NCK2: variants seen among roughly 807,000 people sequenced by gnomAD.
The protein encoded by NCK2 is NCK adaptor protein 2.
NCK2 carries 16 observed loss-of-function variants against 33.9 expected under a neutral mutation model. The ratio of observed to expected loss-of-function variants is 0.47; its 90% CI spans 0.32 to 0.72. NCK2 has a LOEUF of 0.72. NCK2 is among the 30% of genes least tolerant of loss of function. The pLI, the probability that NCK2 is intolerant of heterozygous loss-of-function variation, is 0.03. For missense variants in NCK2, 418 were observed against 537.3 expected, an observed-to-expected ratio of 0.78 and a Z score of 2.19; for synonymous variants, 273 against 239.9, an observed-to-expected ratio of 1.14 and a Z score of -1.27.
chr2:105,861,778 G>A (rs1677543583), intron 3 of NCK2, among the ~76,000 whole-genome samples: 1 of 152,066 alleles, frequency 6.6e-6, no homozygotes, highest in Non-Finnish European at 1.5e-5. Flanking sequence ...GCCTCCCAAA[G>A]TCCTGGGATT....
At chr2:105,756,534 T>C (rs1411657983) in intron 1 of NCK2, among the ~76,000 whole-genome samples, 1 of 152,200 alleles carries the variant, frequency 6.6e-6, no homozygotes, top group African/African-American at 2.4e-5. Context: ...TGTTGTTAAT[T>C]ATCCCTTTTT....
intron 2 of NCK2, among the ~76,000 whole-genome samples, chr2:105,835,312 TTCTTCCTTTTTGAAGG>T: frequency 6.7e-6 from 1 of 148,532 alleles, no homozygotes; most frequent in South Asian, 2.1e-4. Context: ...CTTTTATTTC[TTCTTCCTTTTTGAAGG>T]ATAGCTTTGC....
intron 2 of NCK2, among the ~76,000 whole-genome samples, chr2:105,822,631 C>T (rs1214467122): frequency 6.6e-6 from 1 of 151,780 alleles, no homozygotes; most frequent in Non-Finnish European, 1.5e-5. Flanking sequence ...GCTGATACAC[C>T]CTAGCAGTGT....
Position 105,848,051 on chromosome 2 carries a change from G to A in NCK2, c.-16-6997G>A, listed in dbSNP as rs752318410. On this transcript the variant is annotated intron_variant, in intron 2 of 4. Transcript: ENST00000233154. ...CAATGACATAATCTATTGCACATAC[G>A]TTTTTGAGTCCCCGTGAACCTTATG... 3.3e-5 allele frequency among the ~76,000 whole-genome samples: 5 copies of A among 152,136 alleles called. No individual in the cohort carries two copies. The East Asian group carries it at 7.7e-4, about 23-fold the overall frequency.
At chr2:105,790,153 T>G (rs1335556470) in intron 1 of NCK2, among the ~76,000 whole-genome samples, 1 of 152,266 alleles carries the variant, frequency 6.6e-6, no homozygotes, top group African/African-American at 2.4e-5. Flanking sequence ...AGCCGTTTCT[T>G]CTTCATCAAA....
chr2:105,750,141 C>T (rs963448757), intron 1 of NCK2, among the ~76,000 whole-genome samples: 5 of 151,726 alleles, frequency 3.3e-5, no homozygotes, highest in Non-Finnish European at 7.4e-5. Flanking sequence ...GCTGGAAGTC[C>T]ATGACCCCGG....
At chr2:105,844,459 C>T (rs1178094149) in intron 2 of NCK2, among the ~76,000 whole-genome samples, 1 of 151,788 alleles carries the variant, frequency 6.6e-6, no homozygotes, top group African/African-American at 2.4e-5. Context: ...CATGGTGGCT[C>T]ACGCCTGTAA....
At chr2:105,793,530 C>T (rs115663749) in intron 1 of NCK2, among the ~76,000 whole-genome samples, 2,856 of 152,322 alleles carry the variant, frequency 0.019, 51 homozygotes, top group Non-Finnish European at 0.022. Flanking sequence ...ATTGCACTGG[C>T]TAACAAGTTT....
intron 2 of NCK2, among the ~76,000 whole-genome samples, chr2:105,822,471 G>A (rs1675778371): frequency 6.6e-6 from 1 of 152,002 alleles, no homozygotes; most frequent in African/African-American, 2.4e-5. Context: ...CCATCTCTAA[G>A]GTCCCTGACG....
chr2:105,866,360 T>TA (rs753871179), intron 3 of NCK2, among the ~76,000 whole-genome samples: 7 of 151,802 alleles, frequency 4.6e-5, no homozygotes, highest in Non-Finnish European at 8.9e-5. Flanking sequence ...AAGATCCTGT[T>TA]ACACAGATGG....
chr2:105,804,778 ATAGG>A (rs1288800915), intron 1 of NCK2, among the ~76,000 whole-genome samples: 1 of 152,244 alleles, frequency 6.6e-6, no homozygotes, highest in African/African-American at 2.4e-5. Context: ...TGGTTTTGGC[ATAGG>A]TATGTTATTA....
intron 3 of NCK2, among the ~76,000 whole-genome samples, chr2:105,876,469 T>A (rs920904812): frequency 6.6e-6 from 1 of 152,154 alleles, no homozygotes; most frequent in African/African-American, 2.4e-5. Context: ...AGGGACATGC[T>A]AGCGAATGTG....
At chr2:105,762,403 G>A (rs1365702375) in intron 1 of NCK2, among the ~76,000 whole-genome samples, 2 of 152,104 alleles carry the variant, frequency 1.3e-5, no homozygotes, top group African/African-American at 4.8e-5. Context: ...TGCTTTGAAA[G>A]GGGTTCAGTC....
At chr2:105,827,347 TAAG>T (rs1675993833) in intron 2 of NCK2, among the ~76,000 whole-genome samples, 2 of 152,098 alleles carry the variant, frequency 1.3e-5, no homozygotes, top group African/African-American at 4.8e-5. Flanking sequence ...AGCTGTGAAA[TAAG>T]AAGTAAAAAC....
rs569721461 is a variant in NCK2 at position 105,765,742 on chromosome 2, C to T, written c.-201+20604C>T. Among the ~76,000 whole-genome samples the T allele has an allele frequency of 3.4e-4, 52 of 151,398 alleles. 2 individuals are homozygous for T. In the South Asian group the frequency reaches 0.011, roughly 32 times the overall value. ...TGCAAATATTTTAGATTTTCACACC[C>T]GTAACAGGCAGATAGCCTCCCACAG... On this transcript the variant is annotated intron_variant, in intron 1 of 4. Transcript: ENST00000233154.
At chr2:105,745,222 G>T (rs1478773347) in intron 1 of NCK2, 84 bp downstream of exon 1, 1 of 150,954 alleles carries the variant, frequency 6.6e-6, no homozygotes. Context: ...GGGCTCGCGG[G>T]CCGGGGTGCG....
chr2:105,881,735 G>A lies in NCK2; in HGVS notation c.634G>A (p.Glu212Lys), dbSNP rs1373018176. ...TLYPFSSVTE[E>K]ELNFEKGETM... is the part of the protein sequence containing the mutation. ...GTACCCCTTCAGCTCAGTCACCGAG[G>A]AGGAGCTCAACTTCGAGAAGGGGGA... The change falls in exon 4 of 5, where the codon GAG becomes AAG. Residue 212 changes from glutamate (E) to lysine (K), a missense_variant. By Grantham distance (56) the Glu-to-Lys change is moderately conservative. Coordinates refer to ENST00000233154, the MANE Select transcript of NCK2 (RefSeq NM_003581.5). 2 of 1,614,236 alleles carry A rather than the reference G, an allele frequency of 1.2e-6. No individual in the cohort carries two copies. The highest frequency in any genetic ancestry group is 1.7e-6 in the Non-Finnish European group (2 of 1,180,034).
At chr2:105,818,711 T>C (rs1675606437) in intron 2 of NCK2, among the ~76,000 whole-genome samples, 1 of 152,192 alleles carries the variant, frequency 6.6e-6, no homozygotes, top group South Asian at 2.1e-4. Flanking sequence ...TTAATTTGCT[T>C]CTATTATTTG....
chr2:105,805,465 T>A (rs1241334871), intron 1 of NCK2, among the ~76,000 whole-genome samples: 1 of 152,212 alleles, frequency 6.6e-6, no homozygotes, highest in African/African-American at 2.4e-5. Flanking sequence ...AATAAATTTG[T>A]TTTCTATAAG....
Sources: allele counts gnomAD v4.1 joint callset (sites outside exome capture counted in the v4.1 genomes callset), GRCh38; gene constraint gnomAD v4.1.1; transcripts MANE v1.5; gene names NCBI Gene and HGNC (gene_info 2026-07-23, HGNC 2026-07-21).